KCNG2: variants seen among roughly 807,000 people sequenced by gnomAD.
KCNG2 encodes the protein voltage-gated potassium channel regulatory subunit KCNG2.
In KCNG2, 7 loss-of-function variants were observed where a neutral mutation model predicts 12.3. The observed-to-expected ratio is 0.57, with a 90% confidence interval of 0.32 to 1.07. The LOEUF (loss-of-function observed/expected upper bound fraction) is 1.07, where lower values mean the gene tolerates loss of function less well. Among genes scored for constraint, KCNG2 ranks in the 50% least tolerant of loss-of-function variants. The pLI is 0.04. For synonymous variants in KCNG2, 414 were observed against 351.4 expected, an observed-to-expected ratio of 1.18 and a Z score of -1.99; for missense variants, 703 against 726.0, an observed-to-expected ratio of 0.97 and a Z score of 0.36.
intron 1 of KCNG2, among the ~76,000 whole-genome samples, chr18:79,825,240 G>T (rs1211637330): frequency 6.6e-6 from 1 of 152,126 alleles, no homozygotes; most frequent in Non-Finnish European, 1.5e-5. Context: ...TTGCAAAGAG[G>T]ACTGCACAGT....
intron 3 of KCNG2, among the ~76,000 whole-genome samples, chr18:79,866,024 AG>A (rs1979512689): frequency 7.5e-6 from 1 of 133,118 alleles, no homozygotes; most frequent in African/African-American, 3.0e-5. Context: ...CTGGGTGCTG[AG>A]AGGTCTGTGT....
chr18:79,870,470 G>A (rs1001937272), intron 3 of KCNG2, among the ~76,000 whole-genome samples: 4 of 152,200 alleles, frequency 2.6e-5, no homozygotes, highest in South Asian at 2.1e-4. Context: ...GGCAGTTTCC[G>A]TGCCCCCAGA....
rs377279261 is a variant in KCNG2 at position 79,884,444 on chromosome 18, G to C, written c.625-14596G>C. Among the ~76,000 whole-genome samples the C allele has an allele frequency of 1.3e-5, 2 of 152,318 alleles. No homozygotes were observed. The highest frequency in any genetic ancestry group is 3.4e-3 in the Middle Eastern group (1 of 294). On this transcript the variant is annotated intron_variant, in intron 3 of 3. Transcript: ENST00000316249. The surrounding 1 kb of genome is among the most constrained non-coding windows in gnomAD (Gnocchi z 5.5). ...ACCCCGGCCTGGCAGGGACTGGCTG[G>C]TTCCCTTCCTTGGTTCCCCCAGTGG...
chr18:79,878,216 T>G (rs1403447886), intron 3 of KCNG2, among the ~76,000 whole-genome samples: 3 of 152,242 alleles, frequency 2.0e-5, no homozygotes, highest in Admixed American at 6.5e-5. Context: ...GACTTCAGTG[T>G]AGATCCTGCC....
chr18:79,856,941 C>T (rs1248222042), intron 2 of KCNG2, among the ~76,000 whole-genome samples: 1 of 150,586 alleles, frequency 6.6e-6, no homozygotes, highest in African/African-American at 2.4e-5. Context: ...GTTTCCATGA[C>T]CTAAGCAGCT....
intron 1 of KCNG2, among the ~76,000 whole-genome samples, chr18:79,802,288 C>T (rs766277550): frequency 3.3e-4 from 50 of 152,298 alleles, no homozygotes; most frequent in African/African-American, 1.2e-3. Context: ...ACCAGGTGGA[C>T]GCGGCTCATG....
intron 3 of KCNG2, among the ~76,000 whole-genome samples, chr18:79,895,613 G>A (rs188230887): frequency 1.8e-4 from 27 of 150,934 alleles, no homozygotes; most frequent in African/African-American, 6.3e-4. Flanking sequence ...CATTCTTAAC[G>A]ATTGATATAG....
intron 1 of KCNG2, among the ~76,000 whole-genome samples, chr18:79,844,909 C>T (rs1454628265): frequency 1.3e-5 from 2 of 152,180 alleles, no homozygotes; most frequent in African/African-American, 2.4e-5. Context: ...TGAATTTTAT[C>T]AAAAGTAAAA....
In KCNG2 at chr18:79,879,907, C is replaced by T. The variant is rs377200539; in HGVS notation, c.624+15616C>T. On this transcript the variant is annotated intron_variant, in intron 3 of 3. Coordinates refer to ENST00000316249, the MANE Select transcript of KCNG2 (RefSeq NM_012283.2). ...CAGGACAGGAAGGGGCCCCCTGGGT[C>T]GTAGGCGGGTGGCACTAAGCAGTTC... Among the ~76,000 whole-genome samples, 321 of 152,206 alleles carry T rather than the reference C, an allele frequency of 2.1e-3. 2 individuals carry two copies. Among genetic ancestry groups the T allele is most frequent in the African/African-American group, 6.9e-3 (285 of 41,524 alleles).
At chr18:79,883,105 G>A (rs1183158824) in intron 3 of KCNG2, among the ~76,000 whole-genome samples, 1 of 152,252 alleles carries the variant, frequency 6.6e-6, no homozygotes, top group African/African-American at 2.4e-5. Flanking sequence ...ACGGTGCGCG[G>A]TGAAAAGCAG....
intron 1 of KCNG2, among the ~76,000 whole-genome samples, chr18:79,836,298 A>G (rs946202750): frequency 3.9e-5 from 6 of 152,246 alleles, no homozygotes; most frequent in Admixed American, 1.3e-4. Context: ...AACGTTATGT[A>G]AAAATGAAGG....
chr18:79,890,911 C>A (rs940439258), intron 3 of KCNG2, among the ~76,000 whole-genome samples: 2 of 151,824 alleles, frequency 1.3e-5, no homozygotes, highest in African/African-American at 2.4e-5. Context: ...AATCACATCT[C>A]TGCTTTCACT....
intron 3 of KCNG2, among the ~76,000 whole-genome samples, chr18:79,871,134 G>T (rs540128119): frequency 6.6e-6 from 1 of 152,210 alleles, no homozygotes; most frequent in East Asian, 1.9e-4. Context: ...GCACTGGGGA[G>T]GGTCAGCCTT....
At chr18:79,855,119 T>A (rs1213317055) in intron 1 of KCNG2, among the ~76,000 whole-genome samples, 1 of 152,242 alleles carries the variant, frequency 6.6e-6, no homozygotes, top group Non-Finnish European at 1.5e-5. Flanking sequence ...TGTAATTCTA[T>A]TTTCTAAAGT....
At chr18:79,844,749 T>C (rs529566368) in intron 1 of KCNG2, among the ~76,000 whole-genome samples, 1 of 152,312 alleles carries the variant, frequency 6.6e-6, no homozygotes, top group Non-Finnish European at 1.5e-5. Context: ...AACGGTGATA[T>C]CAAGTGCTGG....
At chr18:79,815,100 TA>T (rs376175244) in intron 1 of KCNG2, among the ~76,000 whole-genome samples, 81 of 152,124 alleles carry the variant, frequency 5.3e-4, no homozygotes, top group African/African-American at 1.9e-3. Flanking sequence ...GAAATGTAAG[TA>T]AATTAAGATC....
intron 1 of KCNG2, among the ~76,000 whole-genome samples, chr18:79,816,911 C>T (rs746421715): frequency 6.6e-6 from 1 of 152,230 alleles, no homozygotes; most frequent in Non-Finnish European, 1.5e-5. Context: ...CAGCAAAAGA[C>T]GCAGCGGCCT....
chr18:79,860,140 C>T (rs1055259855), intron 2 of KCNG2, among the ~76,000 whole-genome samples: 3 of 152,094 alleles, frequency 2.0e-5, no homozygotes, highest in Admixed American at 6.6e-5. Context: ...CACTTTTAAA[C>T]GAACAGATCT....
Position 79,803,272 on chromosome 18 carries a change from C to T in KCNG2, c.-115+5258C>T, listed in dbSNP as rs2087425071. Reference sequence around the variant, plus strand: ...CTCATCTCCAGGCCCCCAGCTCTTTCACCTCTGTAGTCACAGGGCAGGGCC... The same window carrying T: ...CTCATCTCCAGGCCCCCAGCTCTTTTACCTCTGTAGTCACAGGGCAGGGCC... On this transcript the variant is annotated intron_variant, in intron 1 of 3. Transcript: ENST00000316249. This position sits in a 1 kb window ranked among gnomAD's most constrained non-coding sequence, Gnocchi z 4.5. 6.6e-6 allele frequency among the ~76,000 whole-genome samples: 1 copy of T among 151,970 alleles called. No individual in the cohort carries two copies. Among genetic ancestry groups the T allele is most frequent in the South Asian group, 2.1e-4 (1 of 4,816 alleles).
Sources: gnomAD v4.1 joint callset for allele counts (sites outside exome capture counted in the v4.1 genomes callset) on GRCh38, gnomAD v4.1.1 for gene constraint, Gnocchi (gnomAD v3.1) non-coding constraint, MANE v1.5 for transcripts, NCBI Gene and HGNC (gene_info 2026-07-23, HGNC 2026-07-21) for gene names.